Variants in UMAD1 observed in about 807,000 individuals in gnomAD.
The protein encoded by UMAD1 is UBAP1-MVB12-associated (UMA) domain containing 1.
A neutral mutation model predicts 6.1 loss-of-function variants in UMAD1; 8 were observed. The ratio of observed to expected loss-of-function variants is 1.30; its 90% CI spans 0.76 to 2.35. The LOEUF (loss-of-function observed/expected upper bound fraction) is 2.35, where lower values mean the gene tolerates loss of function less well. UMAD1 is among the 30% of genes most tolerant of loss of function. The pLI is 0.00. For missense variants in UMAD1, 130 were observed against 78.4 expected (o/e 1.66, Z -2.49); for synonymous variants, 56 against 31.4 (o/e 1.78, Z -2.61).
intron 2 of UMAD1, among the ~76,000 whole-genome samples, chr7:7,753,225 C>A (rs1424009337): frequency 6.6e-6 from 1 of 152,070 alleles, no homozygotes; most frequent in African/African-American, 2.4e-5. Flanking sequence ...ATAATCACAT[C>A]ACAGAAAATG....
intron 2 of UMAD1, among the ~76,000 whole-genome samples, chr7:7,676,893 C>G (rs1779754760): frequency 6.6e-6 from 1 of 151,976 alleles, no homozygotes; most frequent in African/African-American, 2.4e-5. Flanking sequence ...CAGGTAAACT[C>G]TTTTTTAAAA....
chr7:7,706,229 A>G (rs1167549499), intron 2 of UMAD1, among the ~76,000 whole-genome samples: 1 of 152,136 alleles, frequency 6.6e-6, no homozygotes, highest in Non-Finnish European at 1.5e-5. Context: ...ACGGATAATC[A>G]CCTTCTGAGA....
intron 2 of UMAD1, among the ~76,000 whole-genome samples, chr7:7,698,152 G>A (rs543941158): frequency 1.3e-5 from 2 of 152,278 alleles, no homozygotes; most frequent in East Asian, 1.9e-4. Context: ...GAATAAACAG[G>A]TAGTTCTATA....
At chr7:7,756,546 G>A (rs1288651321) in intron 2 of UMAD1, among the ~76,000 whole-genome samples, 1 of 152,120 alleles carries the variant, frequency 6.6e-6, no homozygotes, top group African/African-American at 2.4e-5. Flanking sequence ...GCCCCTTTCT[G>A]GTGGCAAGAT....
intron 2 of UMAD1, among the ~76,000 whole-genome samples, chr7:7,789,031 A>T (rs937169278): frequency 6.6e-6 from 1 of 152,242 alleles, no homozygotes; most frequent in Admixed American, 6.5e-5. Flanking sequence ...AGAGTCAAGC[A>T]TATTGATATG....
chr7:7,671,817 G>A (rs986751395), intron 1 of UMAD1, among the ~76,000 whole-genome samples: 3 of 151,686 alleles, frequency 2.0e-5, no homozygotes, highest in African/African-American at 4.8e-5. Flanking sequence ...CTTTTCTTTT[G>A]TATCTATTAC....
intron 3 of UMAD1, among the ~76,000 whole-genome samples, chr7:7,870,600 C>T (rs1056664742): frequency 1.1e-4 from 17 of 152,280 alleles, no homozygotes; most frequent in African/African-American, 4.1e-4. Flanking sequence ...CCTGTTTAAA[C>T]CCCCAGCCCC....
At chr7:7,850,314 C>G (rs1783885528) in intron 3 of UMAD1, among the ~76,000 whole-genome samples, 1 of 151,854 alleles carries the variant, frequency 6.6e-6, no homozygotes, top group African/African-American at 2.4e-5. Context: ...AATAATATAT[C>G]CAATGGAATT....
rs190856186 is a variant in UMAD1 at position 7,764,162 on chromosome 7, G to C, written c.83-37508G>C. Among the ~76,000 whole-genome samples the C allele has an allele frequency of 1.0e-3, 153 of 152,236 alleles. 1 individual carries two copies. The highest frequency in any genetic ancestry group is 3.7e-3 in the African/African-American group (152 of 41,556). ...CAGATATGAGGTTGCGGTGTGATAC[G>C]GCAGTCACAGAGCTGTTGCCATCTG... On this transcript the variant is annotated intron_variant, in intron 2 of 3. Transcript: ENST00000682710.
At chr7:7,774,199 C>T (rs1471664351) in intron 2 of UMAD1, among the ~76,000 whole-genome samples, 2 of 152,152 alleles carry the variant, frequency 1.3e-5, no homozygotes, top group African/African-American at 2.4e-5. Flanking sequence ...TTCTGTAGAA[C>T]ATGAGCAATG....
intron 2 of UMAD1, among the ~76,000 whole-genome samples, chr7:7,778,414 CT>C (rs905436499): frequency 6.6e-6 from 1 of 151,034 alleles, no homozygotes; most frequent in African/African-American, 2.4e-5. Context: ...TAAAGTTTTT[CT>C]TTTTTTTCTT....
intron 3 of UMAD1, among the ~76,000 whole-genome samples, chr7:7,847,698 C>T (rs1017278738): frequency 1.3e-5 from 2 of 152,052 alleles, no homozygotes; most frequent in East Asian, 1.9e-4. Flanking sequence ...TGACTCTTCC[C>T]GACTCTGGTG....
At chr7:7,784,751 T>C (rs1782426079) in intron 2 of UMAD1, among the ~76,000 whole-genome samples, 1 of 142,650 alleles carries the variant, frequency 7.0e-6, no homozygotes. Context: ...CTTCTGCCCT[T>C]CCTTCTTTTT....
chr7:7,696,010 C>G (rs1047724812), intron 2 of UMAD1, among the ~76,000 whole-genome samples: 5 of 130,184 alleles, frequency 3.8e-5, no homozygotes, highest in African/African-American at 1.4e-4. Context: ...GATAAACTTA[C>G]CAGTGTAATT....
intron 2 of UMAD1, among the ~76,000 whole-genome samples, chr7:7,681,623 C>A (rs1243140172): frequency 6.6e-6 from 1 of 152,038 alleles, no homozygotes; most frequent in African/African-American, 2.4e-5. Flanking sequence ...TGAAGTAATC[C>A]TCCAGGGTAC....
intron 3 of UMAD1, among the ~76,000 whole-genome samples, chr7:7,809,904 A>C (rs1782990250): frequency 6.6e-6 from 1 of 152,070 alleles, no homozygotes; most frequent in Non-Finnish European, 1.5e-5. Context: ...GAATGAAAAT[A>C]TCCTTGAGAT....
chr7:7,752,533 G>A (rs965912689), intron 2 of UMAD1, among the ~76,000 whole-genome samples: 2 of 152,026 alleles, frequency 1.3e-5, no homozygotes, highest in African/African-American at 4.8e-5. Flanking sequence ...TTTTATGAAA[G>A]TTTTCCCAAA....
chr7:7,856,732 C>T (rs1242262816), intron 3 of UMAD1, among the ~76,000 whole-genome samples: 1 of 152,042 alleles, frequency 6.6e-6, no homozygotes, highest in Non-Finnish European at 1.5e-5. Context: ...AATTGAGCTT[C>T]CCTAAACTCA....
intron 2 of UMAD1, among the ~76,000 whole-genome samples, chr7:7,787,996 C>T (rs1674926359): frequency 6.6e-6 from 1 of 152,206 alleles, no homozygotes; most frequent in African/African-American, 2.4e-5. Context: ...GCCACCCTCT[C>T]TTGATCATAC....
Sources: gnomAD v4.1 joint callset for allele counts (sites outside exome capture counted in the v4.1 genomes callset) on GRCh38, gnomAD v4.1.1 for gene constraint, MANE v1.5 for transcripts, NCBI Gene and HGNC (gene_info 2026-07-23, HGNC 2026-07-21) for gene names.